RPL22: variants seen among roughly 807,000 people sequenced by gnomAD.
RPL22 encodes large ribosomal subunit protein eL22.
In RPL22, 4 loss-of-function variants were observed where a neutral mutation model predicts 16.2. The observed-to-expected ratio is 0.25, with a 90% CI of 0.12 to 0.57. The LOEUF is 0.57. Ranked by LOEUF, RPL22 falls within the 20% of genes least tolerant of loss-of-function variation. The pLI, the probability that RPL22 is intolerant of heterozygous loss-of-function variation, is 0.92. For missense variants in RPL22, 83 were observed against 156.1 expected, an observed-to-expected ratio of 0.53 and a Z score of 2.49; for synonymous variants, 43 against 54.8, an observed-to-expected ratio of 0.78 and a Z score of 0.95.
At chr1:6,197,386 G>A (rs1667733735) in intron 2 of RPL22, among the ~76,000 whole-genome samples, 1 of 152,200 alleles carries the variant, frequency 6.6e-6, no homozygotes, top group Non-Finnish European at 1.5e-5. Context: ...AGAAAAACAA[G>A]ATAGTCCTCT....
At chr1:6,196,870 G>A (rs911798051) in intron 2 of RPL22, among the ~76,000 whole-genome samples, 1 of 152,118 alleles carries the variant, frequency 6.6e-6, no homozygotes, top group Non-Finnish European at 1.5e-5. Flanking sequence ...GAAAAGCTTC[G>A]GGAACTGCTG....
intron 3 of RPL22, among the ~76,000 whole-genome samples, chr1:6,188,965 A>C (rs2100901998): frequency 7.5e-6 from 1 of 133,808 alleles, no homozygotes; most frequent in Non-Finnish European, 1.5e-5. Flanking sequence ...TTGTATTTTT[A>C]GTAAGAGACG....
At chr1:6,193,993 C>A (rs2100905805) in intron 2 of RPL22, among the ~76,000 whole-genome samples, 1 of 152,088 alleles carries the variant, frequency 6.6e-6, no homozygotes, top group South Asian at 2.1e-4. Context: ...ATCTCCTGAG[C>A]TCAGGAATTT....
intron 3 of RPL22, among the ~76,000 whole-genome samples, chr1:6,190,535 C>G (rs1249340417): frequency 6.6e-6 from 1 of 152,184 alleles, no homozygotes; most frequent in Non-Finnish European, 1.5e-5. Flanking sequence ...CATGCACCAC[C>G]ACACCCAGCT....
intron 3 of RPL22, among the ~76,000 whole-genome samples, chr1:6,191,263 G>C (rs1177816966): frequency 6.6e-6 from 1 of 150,858 alleles, no homozygotes; most frequent in Non-Finnish European, 1.5e-5. Context: ...AGGAGGCTGA[G>C]GTAGGAGAAT....
intron 1 of RPL22, chr1:6,198,950 C>T (rs1667756276): frequency 1.3e-5 from 2 of 152,252 alleles, no homozygotes; most frequent in Non-Finnish European, 2.9e-5. Context: ...TCTCAAATAA[C>T]CTAGGAGGAG....
intron 2 of RPL22, among the ~76,000 whole-genome samples, chr1:6,195,214 G>A (rs1667700404): frequency 6.6e-6 from 1 of 151,964 alleles, no homozygotes; most frequent in Non-Finnish European, 1.5e-5. Flanking sequence ...GGGAGCCCGA[G>A]GCAGGCGGAT....
intron 1 of RPL22, 136 bp downstream of exon 1, chr1:6,199,426 C>G: frequency 1.4e-6 from 2 of 1,434,984 alleles, no homozygotes; most frequent in Non-Finnish European, 1.8e-6. Flanking sequence ...GGCTCTGGCC[C>G]GCTCCGGCCG....
intron 2 of RPL22, among the ~76,000 whole-genome samples, chr1:6,195,446 CAA>C (rs536240875): frequency 3.7e-4 from 25 of 67,738 alleles, no homozygotes; most frequent in Admixed American, 3.1e-4. Context: ...GACTCCGTCT[CAA>C]AAAAAAAAAA....
chr1:6,198,459 T>C (rs912453983), intron 1 of RPL22: 2 of 152,310 alleles, frequency 1.3e-5, no homozygotes, highest in South Asian at 2.1e-4. Flanking sequence ...TTCCAGTTTC[T>C]TCACTCTTAC....
intron 2 of RPL22, among the ~76,000 whole-genome samples, chr1:6,197,277 G>A (rs570056198): frequency 3.0e-4 from 46 of 152,248 alleles, no homozygotes; most frequent in African/African-American, 9.6e-4. Flanking sequence ...TGATCTGCCC[G>A]CCTCAGCCTC....
chr1:6,195,302 G>A (rs113019044), intron 2 of RPL22, among the ~76,000 whole-genome samples: 4,432 of 150,660 alleles, frequency 0.029, 114 homozygotes, highest in Non-Finnish European at 0.044. Context: ...AAAATTAGCC[G>A]GGCATAGTGA....
chr1:6,191,359 C>CAAAAAA (rs769446432), intron 3 of RPL22, among the ~76,000 whole-genome samples: 1 of 32,422 alleles, frequency 3.1e-5, no homozygotes, highest in Non-Finnish European at 5.6e-5. Flanking sequence ...GACTCCGTCT[C>CAAAAAA]AAAAAAAAAA....
At chr1:6,189,794 G>A (rs1184295146) in intron 3 of RPL22, among the ~76,000 whole-genome samples, 1 of 152,078 alleles carries the variant, frequency 6.6e-6, no homozygotes, top group Non-Finnish European at 1.5e-5. Context: ...GGTGGCAGGC[G>A]CCTGTAATCC....
intron 3 of RPL22, among the ~76,000 whole-genome samples, chr1:6,190,053 C>A (rs892309045): frequency 6.6e-6 from 1 of 152,208 alleles, no homozygotes; most frequent in Non-Finnish European, 1.5e-5. Flanking sequence ...ATGATTAAGG[C>A]ACCTTCCCTA....
At position 6,185,941 on chromosome 1, in the gene RPL22, G is replaced by A. The variant is rs1465901759; in HGVS notation, c.*731C>T. ...GGGCCCCCATTGCTGGGCCCCACAC[G>A]GGAGACCACATCTGGAAGCACTATT... is the stretch of plus-strand genomic sequence containing the variant. On this transcript the variant is annotated 3_prime_UTR_variant, in exon 4 of 4. Coordinates refer to ENST00000234875, the MANE Select transcript of RPL22 (RefSeq NM_000983.4). 3 of 230,534 alleles carry A rather than the reference G, an allele frequency of 1.3e-5. No individual in the cohort carries two copies. Among genetic ancestry groups the A allele is most frequent in the Non-Finnish European group, 2.6e-5 (3 of 116,438 alleles). 14.3% of individuals were successfully genotyped at this position (230,534 alleles called of 1,614,324 possible).
chr1:6,185,555 A>AT lies in RPL22; in HGVS notation c.*1116dup. ...CCAGCTATGCAACTCGCAGGGCACA[A>AT]TTTCAAGTGTGGAAACCATCTGTAG... On this transcript the variant is annotated 3_prime_UTR_variant, in exon 4 of 4. Coordinates refer to ENST00000234875, the MANE Select transcript of RPL22 (RefSeq NM_000983.4). The AT allele has an allele frequency of 2.5e-6, 1 of 395,210 alleles. No homozygotes were observed. Among genetic ancestry groups the AT allele is most frequent in the East Asian group, 3.6e-5 (1 of 27,900 alleles). The allele number at this position is 395,210 out of a possible 1,614,324, so 24.5% of individuals were successfully genotyped here.
At chr1:6,193,667 T>G (rs962564166) in intron 2 of RPL22, among the ~76,000 whole-genome samples, 1 of 151,680 alleles carries the variant, frequency 6.6e-6, no homozygotes, top group Non-Finnish European at 1.5e-5. Context: ...GCTAGATTGG[T>G]CTCAAATTCC....
chr1:6,199,507 G>T, intron 1 of RPL22, 55 bp downstream of exon 1: 2 of 1,544,874 alleles, frequency 1.3e-6, no homozygotes, highest in Non-Finnish European at 1.7e-6. Flanking sequence ...TGCCGGGCTC[G>T]GCGAGGCCCA....
Sources: allele counts gnomAD v4.1 joint callset (sites outside exome capture counted in the v4.1 genomes callset), GRCh38; gene constraint gnomAD v4.1.1; transcripts MANE v1.5; gene names NCBI Gene and HGNC (gene_info 2026-07-23, HGNC 2026-07-21).